The following C5 variants were observed in gnomAD, a reference collection of about 807,000 sequenced individuals.
C5 encodes complement C5.
C5 carries 140 observed loss-of-function variants against 218.8 expected under a neutral mutation model. The ratio of observed to expected loss-of-function variants is 0.64; its 90% CI spans 0.56 to 0.74. C5 has a LOEUF of 0.74. C5 is among the 30% of genes least tolerant of loss of function. The probability of loss-of-function intolerance (pLI) is 0.00; values close to 1 mark genes in which losing one functional copy is unlikely to be tolerated. For missense variants in C5, 1,700 were observed against 1,969.6 expected (o/e 0.86, Z 2.59); for synonymous variants, 614 against 682.3 (o/e 0.90, Z 1.56).
At chr9:121,030,129 A>C (rs1299925898) in intron 7 of C5, among the ~76,000 whole-genome samples, 1 of 152,208 alleles carries the variant, frequency 6.6e-6, no homozygotes, top group African/African-American at 2.4e-5. Flanking sequence ...AAGTTACCCT[A>C]GTTTCTAAAC....
At chr9:121,049,968 T>A (rs970035235) in intron 1 of C5, among the ~76,000 whole-genome samples, 9 of 152,196 alleles carry the variant, frequency 5.9e-5, no homozygotes, top group African/African-American at 2.2e-4. Context: ...TAACGTAAAT[T>A]TTAATAAATA....
intron 20 of C5, 131 bp from the exon 21 acceptor site, chr9:120,997,905 C>A: frequency 2.8e-6 from 2 of 703,926 alleles, no homozygotes; most frequent in South Asian, 1.7e-5. Flanking sequence ...CGGATTCAAG[C>A]AATTCTCCTG....
the C5 span, among the ~76,000 whole-genome samples, chr9:121,058,371 C>T: frequency 1.7e-4 from 26 of 152,212 alleles, no homozygotes; most frequent in African/African-American, 4.6e-4. Flanking sequence ...AGGAAAGATA[C>T]GAAACCATGC....
At chr9:121,064,810 C>A in the C5 span, among the ~76,000 whole-genome samples, 1 of 152,106 alleles carries the variant, frequency 6.6e-6, no homozygotes, top group Non-Finnish European at 1.5e-5. Flanking sequence ...CCTGTAATCC[C>A]AGCTGAGGAT....
intron 23 of C5, 49 bp downstream of exon 23, chr9:120,991,142 T>C: frequency 1.8e-6 from 2 of 1,085,662 alleles, no homozygotes; most frequent in Non-Finnish European, 1.4e-6. Context: ...TGATTTTTGT[T>C]TGAAGCACCA....
chr9:121,041,987 T>C (rs2047585557), intron 3 of C5, among the ~76,000 whole-genome samples: 1 of 152,162 alleles, frequency 6.6e-6, no homozygotes, highest in South Asian at 2.1e-4. Context: ...TCCACCCCAC[T>C]ATTCTCATCA....
intron 1 of C5, among the ~76,000 whole-genome samples, chr9:121,049,196 T>C (rs1194440815): frequency 6.6e-6 from 1 of 152,156 alleles, no homozygotes; most frequent in East Asian, 1.9e-4. Flanking sequence ...TCAGAGAAAG[T>C]GAGGAAATAA....
At position 121,013,889 on chromosome 9, in the gene C5, C is replaced by A; in HGVS notation, c.2241G>T (p.Met747Ile). 1 of 1,614,014 alleles carries A rather than the reference C, an allele frequency of 6.2e-7. No homozygotes were observed. Among genetic ancestry groups the A allele is most frequent in the Non-Finnish European group, 8.5e-7 (1 of 1,179,944 alleles). The change falls in exon 17 of 41, where the codon ATG becomes ATT. Residue 747 changes from methionine (M) to isoleucine (I), a missense_variant. Coordinates refer to ENST00000223642, the MANE Select transcript of C5 (RefSeq NM_001735.3). The stretch of plus-strand genomic sequence containing the variant: ...CATACTTACGTAGCCTTCCCAATTG[C>A]ATGTCTTTATGAGAGATATTAGCAC... ...QLRANISHKDMQLGRLHMKTL... is the reference protein window; with the variant it reads ...QLRANISHKDIQLGRLHMKTL...
At chr9:120,953,657 G>A (rs1011827080) in intron 40 of C5, 73 bp downstream of exon 40, 24 of 1,413,554 alleles carry the variant, frequency 1.7e-5, no homozygotes, top group Non-Finnish European at 2.1e-5. Flanking sequence ...TAAGAAACAC[G>A]TAGTGTATTT....
In C5 at chr9:120,989,965, A is replaced by C. The variant is rs76522928; in HGVS notation, c.2942-185T>G. On this transcript the variant is annotated intron_variant, in intron 23 of 40. Transcript: ENST00000223642. ...GGAACATGAATTTGAAAGAAACAAAAAAAAAAAAGACTTTAAAAATCACTA... is the reference window on the plus strand; with the variant it reads ...GGAACATGAATTTGAAAGAAACAAACAAAAAAAAGACTTTAAAAATCACTA... 2.4e-3 allele frequency among the ~76,000 whole-genome samples: 362 copies of C among 152,324 alleles called. 2 individuals are homozygous for C. Among genetic ancestry groups the C allele is most frequent in the African/African-American group, 6.3e-3 (263 of 41,558 alleles).
rs912694903 is a variant in C5 at position 121,043,032 on chromosome 9, G to T, written c.393C>A (p.Asp131Glu). The change falls in exon 3 of 41, where the codon GAC becomes GAA. Residue 131 changes from aspartate (D) to glutamate (E), a missense_variant. Physicochemically the swap from Asp to Glu is conservative, Grantham distance 45. Transcript: ENST00000223642. ...YDNGFLFIHT[D>E]KPVYTPDQSV... is the part of the protein sequence containing the mutation. Reference sequence around the variant, plus strand: ...ACTGGTCTGGAGTATAAACAGGTTTGTCTGTATGAATGAAGAGAAATCCAT... The same window carrying T: ...ACTGGTCTGGAGTATAAACAGGTTTTTCTGTATGAATGAAGAGAAATCCAT... 1.2e-6 allele frequency: 2 copies of T among 1,612,754 alleles called. No individual in the cohort carries two copies. The highest frequency in any genetic ancestry group is 1.7e-5 in the Admixed American group (1 of 59,988).
intron 25 of C5, among the ~76,000 whole-genome samples, chr9:120,985,612 C>T (rs973641037): frequency 6.6e-6 from 1 of 152,080 alleles, no homozygotes; most frequent in Admixed American, 6.5e-5. Context: ...TAAAATACTG[C>T]ATGGCAATGA....
chr9:120,989,161 C>G, intron 24 of C5, 40 bp from the exon 25 acceptor site: 1 of 1,488,842 alleles, frequency 6.7e-7, no homozygotes, highest in South Asian at 1.1e-5. Flanking sequence ...CTTAACAGAC[C>G]TCCGTTTCTA....
At position 120,990,424 on chromosome 9, in the gene C5, A is replaced by G. The variant is rs2047068479; in HGVS notation, c.2942-644T>C. ...AGAATCCCTGCTATGGTTTGAATGT[A>G]TATGTCTCTCCAAAATTCATACACT... On this transcript the variant is annotated intron_variant, in intron 23 of 40. Coordinates refer to ENST00000223642, the MANE Select transcript of C5 (RefSeq NM_001735.3). Among the ~76,000 whole-genome samples, 10 of 152,330 alleles carry G rather than the reference A, an allele frequency of 6.6e-5. No individual in the cohort carries two copies. The South Asian group carries it at 2.1e-3, about 32-fold the overall frequency.
At chr9:121,022,175 C>T (rs139699423) in intron 10 of C5, among the ~76,000 whole-genome samples, 46 of 152,176 alleles carry the variant, frequency 3.0e-4, no homozygotes, top group African/African-American at 1.1e-3. Flanking sequence ...TTCTGTATTT[C>T]TTTGATTGGT....
At chr9:121,064,567 T>G in the C5 span, among the ~76,000 whole-genome samples, 7 of 152,244 alleles carry the variant, frequency 4.6e-5, no homozygotes, top group Non-Finnish European at 1.0e-4. Context: ...TTAGCAATTT[T>G]TATATTCTCT....
At chr9:120,979,771 C>T in intron 28 of C5, 3 of 334,484 alleles carry the variant, frequency 9.0e-6, no homozygotes, top group Non-Finnish European at 1.7e-5. Context: ...ACCTGTAGTC[C>T]CAGCTACTGA....
chr9:120,991,199 C>T lies in C5; in HGVS notation c.2933G>A (p.Ser978Asn). ...GGCATTTGTTAATTTACCTTTTACA[C>T]TCAAAATCCTTTTGATTTCTGTTTT... ...VPKTEIKRIL[S>N]VKGLLVGEIL... is the part of the protein sequence containing the mutation. Residue 978 changes from serine to asparagine, a missense_variant, in exon 23 of 41, where the codon AGT (serine) becomes AAT (asparagine). Ser to Asn is a conservative substitution (Grantham distance 46, BLOSUM62 1). Coordinates refer to ENST00000223642, the MANE Select transcript of C5 (RefSeq NM_001735.3). The T allele has an allele frequency of 6.3e-7, 1 of 1,590,018 alleles. No individual in the cohort carries two copies. Among genetic ancestry groups the T allele is most frequent in the African/African-American group, 1.3e-5 (1 of 74,574 alleles).
intron 30 of C5, among the ~76,000 whole-genome samples, chr9:120,972,925 G>A (rs1327665443): frequency 6.6e-6 from 1 of 152,182 alleles, no homozygotes; most frequent in Admixed American, 6.5e-5. Flanking sequence ...GATACTGCAT[G>A]TGAAAAGCAT....
Sources: gnomAD v4.1 joint callset for allele counts (sites outside exome capture counted in the v4.1 genomes callset) on GRCh38, gnomAD v4.1.1 for gene constraint, MANE v1.5 for transcripts, NCBI Gene and HGNC (gene_info 2026-07-23, HGNC 2026-07-21) for gene names.